MMP16: variants seen among roughly 807,000 people sequenced by gnomAD.
MMP16 encodes the protein matrix metallopeptidase 16, also known as matrix metalloproteinase-16.
A neutral mutation model predicts 67.8 loss-of-function variants in MMP16; 12 were observed. The ratio of observed to expected loss-of-function variants is 0.18; its 90% CI spans 0.11 to 0.29. The LOEUF is 0.29. Ranked by LOEUF, MMP16 falls within the 10% of genes least tolerant of loss-of-function variation. The pLI, the probability that MMP16 is intolerant of heterozygous loss-of-function variation, is 1.00. For missense variants in MMP16, 475 were observed against 765.7 expected, an observed-to-expected ratio of 0.62 and a Z score of 4.48; for synonymous variants, 249 against 255.9, an observed-to-expected ratio of 0.97 and a Z score of 0.26.
At chr8:88,168,659 C>T (rs1221748243) in intron 3 of MMP16, among the ~76,000 whole-genome samples, 1 of 152,074 alleles carries the variant, frequency 6.6e-6, no homozygotes, top group African/African-American at 2.4e-5. Context: ...GTACTTGATT[C>T]ATTTGGCACT....
chr8:88,089,667 A>G (rs1054661808), intron 6 of MMP16, among the ~76,000 whole-genome samples: 2 of 151,994 alleles, frequency 1.3e-5, no homozygotes, highest in Admixed American at 1.3e-4. Flanking sequence ...GCATTGTGCT[A>G]TGTCTAAGGG....
intron 7 of MMP16, among the ~76,000 whole-genome samples, chr8:88,073,185 T>A (rs536830190): frequency 1.3e-5 from 2 of 152,290 alleles, no homozygotes; most frequent in South Asian, 4.1e-4. Flanking sequence ...GAGGGGAATT[T>A]CCCTCCAATA....
chr8:88,317,251 G>A (rs1028673547), intron 1 of MMP16, among the ~76,000 whole-genome samples: 1 of 152,128 alleles, frequency 6.6e-6, no homozygotes, highest in Admixed American at 6.6e-5. Context: ...TTTCATGAAA[G>A]GAATAGTCAA....
At chr8:88,104,842 G>GT (rs1809209546) in intron 6 of MMP16, among the ~76,000 whole-genome samples, 1 of 150,376 alleles carries the variant, frequency 6.6e-6, no homozygotes, top group Admixed American at 6.7e-5. Flanking sequence ...TTGTGTCTTA[G>GT]TTTTTTAACA....
chr8:88,219,098 A>T (rs1809638480), intron 1 of MMP16, among the ~76,000 whole-genome samples: 1 of 152,022 alleles, frequency 6.6e-6, no homozygotes, highest in African/African-American at 2.4e-5. Context: ...ATGATGACTG[A>T]AAAAGGTATA....
At chr8:88,104,609 A>G (rs952443669) in intron 6 of MMP16, among the ~76,000 whole-genome samples, 2 of 144,406 alleles carry the variant, frequency 1.4e-5, no homozygotes, top group Admixed American at 1.4e-4. Flanking sequence ...GCAGTACGTA[A>G]CACTTGATAA....
intron 8 of MMP16, among the ~76,000 whole-genome samples, chr8:88,055,024 AT>A (rs1436144915): frequency 1.2e-4 from 19 of 152,078 alleles, no homozygotes; most frequent in African/African-American, 4.6e-4. Flanking sequence ...CTACTTATGA[AT>A]TTCTCATTGT....
intron 4 of MMP16, among the ~76,000 whole-genome samples, chr8:88,163,658 T>C (rs901908430): frequency 1.3e-5 from 2 of 152,108 alleles, no homozygotes; most frequent in Non-Finnish European, 2.9e-5. Flanking sequence ...CTTTGTGATA[T>C]GTTTGTGTTT....
At chr8:88,151,384 C>T (rs1808403894) in intron 4 of MMP16, among the ~76,000 whole-genome samples, 1 of 150,032 alleles carries the variant, frequency 6.7e-6, no homozygotes, top group East Asian at 2.0e-4. Context: ...CTACAGAACT[C>T]TCCACCCCAA....
At chr8:88,198,525 A>G (rs1410901727) in intron 1 of MMP16, among the ~76,000 whole-genome samples, 1 of 152,152 alleles carries the variant, frequency 6.6e-6, no homozygotes, top group Non-Finnish European at 1.5e-5. Flanking sequence ...TCAACGTCTA[A>G]AACAGGAGAC....
At chr8:88,108,101 A>T (rs1365113393) in intron 6 of MMP16, among the ~76,000 whole-genome samples, 2 of 151,254 alleles carry the variant, frequency 1.3e-5, no homozygotes, top group Non-Finnish European at 3.0e-5. Flanking sequence ...AAAAATTAAA[A>T]TCCCTGTTTA....
Position 88,077,517 on chromosome 8 carries a change from C to G in MMP16, c.1084-2774G>C, listed in dbSNP as rs186903443. On this transcript the variant is annotated intron_variant, in intron 6 of 9. Coordinates refer to ENST00000286614, the MANE Select transcript of MMP16 (RefSeq NM_005941.5). ...GCATTTATAGTCATTTTATACAATA[C>G]TTGTTTTACTAATTTATTGTTCATT... Among the ~76,000 whole-genome samples the G allele has an allele frequency of 2.0e-3, 308 of 152,216 alleles. 5 individuals carry two copies. The highest frequency in any genetic ancestry group is 7.2e-3 in the African/African-American group (298 of 41,548).
intron 1 of MMP16, among the ~76,000 whole-genome samples, chr8:88,296,065 T>C (rs1811008791): frequency 6.6e-6 from 1 of 152,316 alleles, no homozygotes; most frequent in Middle Eastern, 3.4e-3. Context: ...ATAGAATACA[T>C]AAGATGGTGT....
At chr8:88,105,020 C>T (rs1166646632) in intron 6 of MMP16, among the ~76,000 whole-genome samples, 1 of 151,404 alleles carries the variant, frequency 6.6e-6, no homozygotes, top group Non-Finnish European at 1.5e-5. Context: ...CAGTAGTGTA[C>T]AGGAATATCC....
At chr8:88,160,973 A>G (rs1175310762) in intron 4 of MMP16, among the ~76,000 whole-genome samples, 1 of 152,172 alleles carries the variant, frequency 6.6e-6, no homozygotes, top group Admixed American at 6.5e-5. Context: ...GGATTTTTGC[A>G]TCGATGTTCA....
chr8:88,150,544 T>TG (rs1272413885), intron 4 of MMP16, among the ~76,000 whole-genome samples: 9 of 62,882 alleles, frequency 1.4e-4, no homozygotes, highest in Non-Finnish European at 2.5e-4. Context: ...CAGAAGAGAG[T>TG]GGGGGCCAAT....
chr8:88,127,688 A>C (rs1275063816), intron 4 of MMP16, among the ~76,000 whole-genome samples: 1 of 151,884 alleles, frequency 6.6e-6, no homozygotes, highest in African/African-American at 2.4e-5. Flanking sequence ...TATAAATTTC[A>C]TATAGAAATA....
intron 5 of MMP16, among the ~76,000 whole-genome samples, 171 bp downstream of exon 5, chr8:88,118,529 A>G (rs1586160476): frequency 6.6e-6 from 1 of 152,050 alleles, no homozygotes; most frequent in Non-Finnish European, 1.5e-5. Context: ...GATACCTGGG[A>G]CCTTTGCCAA....
chr8:88,277,563 G>T (rs1465095646), intron 1 of MMP16, among the ~76,000 whole-genome samples: 1 of 152,104 alleles, frequency 6.6e-6, no homozygotes, highest in African/African-American at 2.4e-5. Context: ...AGCTGTAATG[G>T]TTATTTTGAA....
Sources: allele counts gnomAD v4.1 joint callset (sites outside exome capture counted in the v4.1 genomes callset), GRCh38; gene constraint gnomAD v4.1.1; transcripts MANE v1.5; gene names NCBI Gene and HGNC (gene_info 2026-07-23, HGNC 2026-07-21).